Variants in OPHN1 observed in about 807,000 individuals in gnomAD.
OPHN1 encodes oligophrenin 1, also known as oligophrenin-1.
Under a neutral mutation model 60.7 loss-of-function variants are expected in OPHN1, and 11 were observed. The observed-to-expected ratio is 0.18, with a 90% CI of 0.11 to 0.30. The LOEUF (loss-of-function observed/expected upper bound fraction) is 0.30. Among genes scored for constraint, OPHN1 ranks in the 10% least tolerant of loss-of-function variants. OPHN1 has a pLI of 1.00. For synonymous variants in OPHN1, 226 were observed against 222.6 expected (o/e 1.02, Z -0.14); for missense variants, 449 against 611.0 (o/e 0.73, Z 2.80).
intron 6 of OPHN1, among the ~76,000 whole-genome samples, chrX:68,234,032 G>A (rs939566006): frequency 4.3e-5 from 4 of 93,034 alleles, no homozygotes; most frequent in Admixed American, 1.4e-4. Context: ...TGAACTGAAG[G>A]CACTGCAAGT....
At chrX:68,294,844 A>G (rs955214707) in intron 3 of OPHN1, among the ~76,000 whole-genome samples, 8 of 111,995 alleles carry the variant, frequency 7.1e-5, no homozygotes, top group Admixed American at 9.5e-5. Flanking sequence ...AAGTGCTTAC[A>G]ATGACATCTG....
intron 13 of OPHN1, among the ~76,000 whole-genome samples, chrX:68,194,208 C>G (rs1001463502): frequency 8.9e-6 from 1 of 112,263 alleles, no homozygotes; most frequent in Non-Finnish European, 1.9e-5. Flanking sequence ...AAATGTTAGC[C>G]TAAAAATACA....
chrX:68,142,470 TA>T (rs1235546845), intron 15 of OPHN1, among the ~76,000 whole-genome samples: 4 of 112,196 alleles, frequency 3.6e-5, no homozygotes, highest in African/African-American at 1.3e-4. Context: ...TGTGGAAGCT[TA>T]TGAAATCAAA....
intron 2 of OPHN1, among the ~76,000 whole-genome samples, chrX:68,393,885 GTTTTTTTTTTTTTTTT>G (rs1163192446): frequency 1.2e-4 from 4 of 34,587 alleles, no homozygotes; most frequent in Non-Finnish European, 1.5e-4. Context: ...AATAGACTTT[GTTTTTTTTTTTTTTTT>G]TTTTTTTTTT....
chrX:68,355,547 C>T (rs1475718377), intron 2 of OPHN1, among the ~76,000 whole-genome samples: 1 of 112,330 alleles, frequency 8.9e-6, no homozygotes, highest in Non-Finnish European at 1.9e-5. Context: ...GAACTCCTTT[C>T]TTTACTTAGC....
chrX:68,388,658 T>C (rs368761138), intron 2 of OPHN1, among the ~76,000 whole-genome samples: 1 of 110,379 alleles, frequency 9.1e-6, no homozygotes. Context: ...GCTAAAGTAT[T>C]CACAGATGAA....
In OPHN1 at chrX:68,234,585, G is replaced by T. The variant is rs1395445948; in HGVS notation, c.388C>A (p.Arg130=). Residue 130 remains arginine, a synonymous_variant, in exon 6 of 25, where the codon CGG becomes AGG. Coordinates refer to ENST00000355520, the MANE Select transcript of OPHN1 (RefSeq NM_002547.3). ...RKEQIGFTKE[R]KKKFEKDGER... is the part of the protein sequence containing the mutation. Reference sequence around the variant, plus strand: ...CCATCCTTTTCAAATTTCTTTTTCCGCTCCTAAAGGTGGGAAAGAAGGGCA... The same window carrying T: ...CCATCCTTTTCAAATTTCTTTTTCCTCTCCTAAAGGTGGGAAAGAAGGGCA... 2.5e-6 allele frequency: 3 copies of T among 1,177,419 alleles called. No homozygotes were observed. In the East Asian group the frequency reaches 8.9e-5, roughly 35 times the overall value.
intron 15 of OPHN1, among the ~76,000 whole-genome samples, chrX:68,156,579 G>A (rs1442608878): frequency 1.8e-5 from 2 of 110,394 alleles, no homozygotes; most frequent in Non-Finnish European, 3.8e-5. Flanking sequence ...ACCACTAATC[G>A]ACTTTCTTTC....
rs1313195446 is a variant in OPHN1, at chrX:68,133,513, T to A, written c.1277-14181A>T. ...CTGCTGTACACTTTTTGCAACTGGT[T>A]TGACAACACATTTCAGCTTCAATTT... On this transcript the variant is annotated intron_variant, in intron 15 of 24. Coordinates refer to ENST00000355520, the MANE Select transcript of OPHN1 (RefSeq NM_002547.3). 3.0e-5 allele frequency: 14 copies of A among 467,133 alleles called. No homozygotes were observed. In the East Asian group the frequency reaches 7.0e-4, roughly 23 times the overall value. The allele number at this position is 467,133 out of a possible 1,213,427, so 38.5% of individuals were successfully genotyped here.
chrX:68,152,644 T>C (rs1161698308), intron 15 of OPHN1, among the ~76,000 whole-genome samples: 1 of 109,681 alleles, frequency 9.1e-6, no homozygotes, highest in Non-Finnish European at 1.9e-5. Context: ...GGTCTCACTA[T>C]GTTGTCCAGG....
chrX:68,146,053 T>C (rs186387694), intron 15 of OPHN1, among the ~76,000 whole-genome samples: 1 of 112,044 alleles, frequency 8.9e-6, no homozygotes, highest in African/African-American at 3.2e-5. Flanking sequence ...CAGAAAAAAA[T>C]TGTCAACTCC....
chrX:68,096,751 A>G, intron 19 of OPHN1, 119 bp downstream of exon 19: 1 of 711,412 alleles, frequency 1.4e-6, no homozygotes, highest in Admixed American at 2.2e-5. Context: ...TCATTGTGTC[A>G]TAATGGGATT....
chrX:68,229,140 CAT>C (rs1602256095), intron 6 of OPHN1, among the ~76,000 whole-genome samples: 1 of 111,473 alleles, frequency 9.0e-6, no homozygotes, highest in Non-Finnish European at 1.9e-5. Context: ...AGAGCCAAAT[CAT>C]GAGTGAACTC....
At chrX:68,165,297 G>C (rs957639471) in intron 15 of OPHN1, among the ~76,000 whole-genome samples, 1 of 111,920 alleles carries the variant, frequency 8.9e-6, no homozygotes, top group Admixed American at 9.6e-5. Context: ...CTTTCGACAT[G>C]CCTTCCTCAT....
chrX:68,052,417 CAGACAG>C, intron 23 of OPHN1, 117 bp downstream of exon 23: 1 of 641,160 alleles, frequency 1.6e-6, no homozygotes, highest in Admixed American at 2.7e-5. Context: ...GAGAAAGTGA[CAGACAG>C]AGACAGAGCT....
chrX:68,130,001 G>A (rs1428046332), intron 15 of OPHN1, among the ~76,000 whole-genome samples: 1 of 112,093 alleles, frequency 8.9e-6, no homozygotes, highest in East Asian at 2.8e-4. Context: ...TAAAATCCAG[G>A]GATGCCAGAC....
rs1979713369 is a variant in OPHN1, at chrX:68,234,520, C to T, written c.453G>A (p.Leu151=). Residue 151 remains leucine (L), a synonymous_variant, in exon 6 of 25, where the codon CTG becomes CTA. Transcript: ENST00000355520. ...FYSLLDRHLH[L]SSKKKESQLQ... ...ACTGAGATTCTTTCTTTTTTGAAGA[C>T]AGGTGTAAGTGCCGATCCAGTAAAG... 2.5e-6 allele frequency: 3 copies of T among 1,209,648 alleles called. No homozygotes were observed. Among genetic ancestry groups the T allele is most frequent in the Non-Finnish European group, 2.2e-6 (2 of 893,607 alleles).
intron 15 of OPHN1, among the ~76,000 whole-genome samples, chrX:68,186,173 A>AG (rs1409936784): frequency 9.0e-6 from 1 of 111,612 alleles, no homozygotes; most frequent in African/African-American, 3.3e-5. Context: ...AAGTTGCAGG[A>AG]GGCTGGTGAT....
At chrX:68,106,190 CT>C (rs71831333) in intron 18 of OPHN1, among the ~76,000 whole-genome samples, 1,786 of 74,337 alleles carry the variant, frequency 0.024, 17 homozygotes, top group African/African-American at 0.068. Context: ...AAAGCTTTTC[CT>C]TTTTTTTTTT....
Sources: allele counts gnomAD v4.1 joint callset (sites outside exome capture counted in the v4.1 genomes callset), GRCh38; gene constraint gnomAD v4.1.1; transcripts MANE v1.5; gene names NCBI Gene and HGNC (gene_info 2026-07-23, HGNC 2026-07-21).